CAPN2: variants seen among roughly 807,000 people sequenced by gnomAD.
CAPN2 encodes the protein calpain-2 catalytic subunit.
Under a neutral mutation model 102.3 loss-of-function variants are expected in CAPN2, and 92 were observed. The observed-to-expected ratio is 0.90, with a 90% CI of 0.76 to 1.07. The LOEUF (loss-of-function observed/expected upper bound fraction) is 1.07, where lower values mean the gene tolerates loss of function less well. Ranked by LOEUF, CAPN2 falls within the 50% of genes least tolerant of loss-of-function variation. The pLI is 0.00. For missense variants in CAPN2, 800 were observed against 909.4 expected, an observed-to-expected ratio of 0.88 and a Z score of 1.55; for synonymous variants, 340 against 355.4, an observed-to-expected ratio of 0.96 and a Z score of 0.49.
chr1:223,745,466 A>G (rs1397339514), intron 4 of CAPN2, 27 bp downstream of exon 4: 1 of 1,613,780 alleles, frequency 6.2e-7, no homozygotes, highest in Admixed American at 1.7e-5. Context: ...CCCTGGCCCC[A>G]TGGCCTTCCC....
Position 223,724,233 on chromosome 1 carries a change from A to G in CAPN2, c.307+6402A>G, listed in dbSNP as rs192544482. On this transcript the variant is annotated intron_variant, in intron 2 of 20. Transcript: ENST00000295006. The stretch of plus-strand genomic sequence containing the variant: ...CCACCTTGTTCAGCACCAGTCCCCA[A>G]GAAGACCAGCCAAGGGACACTCATC... 1.7e-3 allele frequency among the ~76,000 whole-genome samples: 254 copies of G among 152,348 alleles called. 1 individual carries two copies. Among genetic ancestry groups the G allele is most frequent in the African/African-American group, 5.8e-3 (241 of 41,580 alleles).
chr1:223,774,497 T>C (rs1243137234), intron 20 of CAPN2, among the ~76,000 whole-genome samples: 1 of 152,186 alleles, frequency 6.6e-6, no homozygotes, highest in Non-Finnish European at 1.5e-5. Context: ...ACACCATTGG[T>C]TGCAGGGATA....
At chr1:223,774,484 T>G (rs764297606) in intron 20 of CAPN2, among the ~76,000 whole-genome samples, 8 of 152,198 alleles carry the variant, frequency 5.3e-5, no homozygotes, top group Non-Finnish European at 8.8e-5. Flanking sequence ...GAACCAATGC[T>G]GAACACCATT....
intron 2 of CAPN2, among the ~76,000 whole-genome samples, chr1:223,718,234 G>T (rs1205239435): frequency 1.3e-5 from 2 of 152,232 alleles, no homozygotes; most frequent in Admixed American, 1.3e-4. Context: ...CATCAGTTCT[G>T]TGAGGTTCAG....
intron 1 of CAPN2, among the ~76,000 whole-genome samples, chr1:223,702,718 A>G (rs1659516360): frequency 6.6e-6 from 1 of 152,196 alleles, no homozygotes; most frequent in Non-Finnish European, 1.5e-5. Context: ...ATATTCCCCC[A>G]AGCACTGCTA....
At chr1:223,772,077 A>G in intron 19 of CAPN2, 104 bp from the exon 20 acceptor site, 1 of 1,176,862 alleles carries the variant, frequency 8.5e-7, no homozygotes, top group Non-Finnish European at 1.3e-6. Flanking sequence ...TGAGGAAGAA[A>G]GCATGTATGG....
rs986534778 is a variant in CAPN2, at chr1:223,757,481, G to A, written c.1317+101G>A. 2.1e-5 allele frequency: 29 copies of A among 1,356,662 alleles called. No homozygotes were observed. In the African/African-American group the frequency reaches 3.4e-4, roughly 16 times the overall value. The allele number at this position is 1,356,662 out of a possible 1,614,324, so 84.0% of individuals were successfully genotyped here. Reference sequence around the variant, plus strand: ...CGTCGTGAAGCCCGGGCAGGGGCTGGTGGTCATGAAGGATGAGTCCTGGCC... The same window carrying A: ...CGTCGTGAAGCCCGGGCAGGGGCTGATGGTCATGAAGGATGAGTCCTGGCC... On this transcript the variant is annotated intron_variant, in intron 11 of 20. Coordinates refer to ENST00000295006, the MANE Select transcript of CAPN2 (RefSeq NM_001748.5).
chr1:223,719,102 C>T (rs984845400), intron 2 of CAPN2, among the ~76,000 whole-genome samples: 4 of 152,204 alleles, frequency 2.6e-5, no homozygotes, highest in African/African-American at 9.7e-5. Context: ...GCAGAAAACA[C>T]TCCTTTCATT....
At chr1:223,753,706 G>A (rs1394247254) in intron 9 of CAPN2, among the ~76,000 whole-genome samples, 2 of 152,146 alleles carry the variant, frequency 1.3e-5, no homozygotes, top group Non-Finnish European at 2.9e-5. Context: ...TGGAAAATTC[G>A]ACACTTGACC....
At chr1:223,738,955 A>T (rs1660537456) in intron 2 of CAPN2, among the ~76,000 whole-genome samples, 1 of 152,184 alleles carries the variant, frequency 6.6e-6, no homozygotes, top group Non-Finnish European at 1.5e-5. Flanking sequence ...GGCCCCCAGC[A>T]GCCATAGGCC....
intron 2 of CAPN2, among the ~76,000 whole-genome samples, chr1:223,722,270 TTTC>T (rs1413132639): frequency 7.6e-6 from 1 of 131,560 alleles, no homozygotes; most frequent in African/African-American, 3.1e-5. Context: ...TTTCTTTCTT[TTTC>T]TTTCTTTCTT....
intron 1 of CAPN2, 105 bp from the exon 2 acceptor site, chr1:223,717,657 G>A: frequency 1.2e-6 from 1 of 844,702 alleles, no homozygotes; most frequent in East Asian, 2.5e-5. Flanking sequence ...CAGAGGGGAG[G>A]GGAAGGGGAG....
intron 6 of CAPN2, chr1:223,749,362 T>G (rs1208889046): frequency 6.8e-6 from 4 of 590,440 alleles, no homozygotes; most frequent in Non-Finnish European, 1.2e-5. Context: ...CTGGTTTTAC[T>G]TGTTTTAGAT....
At chr1:223,771,671 G>A (rs1661473676) in intron 18 of CAPN2, 138 bp from the exon 19 acceptor site, 1 of 686,768 alleles carries the variant, frequency 1.5e-6, no homozygotes, top group Non-Finnish European at 2.6e-6. Context: ...AATCAAACCA[G>A]TCTCACAGAA....
chr1:223,769,082 C>T (rs1276294437), intron 16 of CAPN2, among the ~76,000 whole-genome samples: 3 of 152,098 alleles, frequency 2.0e-5, no homozygotes, highest in Non-Finnish European at 4.4e-5. Flanking sequence ...AAGGGGCAGC[C>T]TAAGCTTCTG....
In CAPN2 at chr1:223,754,874, G is replaced by A. The variant is rs1484902139; in HGVS notation, c.1136-606G>A. Among the ~76,000 whole-genome samples the A allele has an allele frequency of 1.3e-5, 2 of 152,014 alleles. No homozygotes were observed. Among genetic ancestry groups the A allele is most frequent in the Admixed American group, 6.5e-5 (1 of 15,276 alleles). ...GAGTCCCCCAGGCCAGCCGAGCCCC[G>A]CCCCAGGCTCCCCATCAGAGCCCAG... On this transcript the variant is annotated intron_variant, in intron 9 of 20. Transcript: ENST00000295006. This position sits in a 1 kb window ranked among gnomAD's most constrained non-coding sequence, Gnocchi z 4.7.
chr1:223,751,852 G>A (rs1273362676), intron 7 of CAPN2, 145 bp from the exon 8 acceptor site: 3 of 639,182 alleles, frequency 4.7e-6, no homozygotes, highest in African/African-American at 1.8e-5. Context: ...TTAAAATGCA[G>A]CTGTTAGCCA....
intron 5 of CAPN2, among the ~76,000 whole-genome samples, chr1:223,747,714 A>C (rs186169245): frequency 1.3e-5 from 2 of 152,322 alleles, no homozygotes; most frequent in East Asian, 3.9e-4. Flanking sequence ...TCCAGACTTT[A>C]GGCAGGTGAG....
rs1488314907 is a variant in CAPN2 at position 223,769,898 on chromosome 1, CA to C, written c.1818del (p.Lys606AsnfsTer17). 3.1e-6 allele frequency: 5 copies of C among 1,600,842 alleles called. No individual in the cohort carries two copies. The highest frequency in any genetic ancestry group is 4.3e-6 in the Non-Finnish European group (5 of 1,173,276). On this transcript the variant is annotated frameshift_variant, in exon 17 of 21. Coordinates refer to ENST00000295006, the MANE Select transcript of CAPN2 (RefSeq NM_001748.5). LOFTEE classifies it high-confidence loss of function. ...GTTCTACATTCTCTGGACGAAGATT[CA>C]AAAATACCAAGTAAGATCCCAGAGA... ...KEFYILWTKI[Q>X]KYQKIYREID...
Sources: gnomAD v4.1 joint callset for allele counts (sites outside exome capture counted in the v4.1 genomes callset) on GRCh38, gnomAD v4.1.1 for gene constraint, Gnocchi (gnomAD v3.1) non-coding constraint, MANE v1.5 for transcripts, NCBI Gene and HGNC (gene_info 2026-07-23, HGNC 2026-07-21) for gene names.